Variants in PCDHA9 observed in about 807,000 individuals in gnomAD.
PCDHA9 encodes the protein protocadherin alpha-9.
Under a neutral mutation model 62.0 loss-of-function variants are expected in PCDHA9, and 62 were observed. That is an observed-to-expected ratio of 1.00 (90% CI 0.81 to 1.23). The LOEUF (loss-of-function observed/expected upper bound fraction) is 1.23, where lower values mean the gene tolerates loss of function less well. Among genes scored for constraint, PCDHA9 ranks in the 50% most tolerant of loss-of-function variants. The pLI, the probability that PCDHA9 is intolerant of heterozygous loss-of-function variation, is 0.00. For missense variants in PCDHA9, 1,205 were observed against 1,249.8 expected, an observed-to-expected ratio of 0.96 and a Z score of 0.54; for synonymous variants, 557 against 567.6, an observed-to-expected ratio of 0.98 and a Z score of 0.27.
At chr5:140,947,550 G>T (rs967081376) in intron 1 of PCDHA9, among the ~76,000 whole-genome samples, 1 of 151,402 alleles carries the variant, frequency 6.6e-6, no homozygotes, top group Non-Finnish European at 1.5e-5. Flanking sequence ...AAAGAATTCC[G>T]CTGGGATTTA....
In PCDHA9 at chr5:140,855,846, C is replaced by T. The variant is rs112115141; in HGVS notation, c.2394+4957C>T. ...CATGGAATCGTACTTACACCTAAAG[C>T]CACCGGATGTCGCTGTCGTCCACAA... is the stretch of plus-strand genomic sequence containing the variant. On this transcript the variant is annotated intron_variant, in intron 1 of 3. Coordinates refer to ENST00000532602, the MANE Select transcript of PCDHA9 (RefSeq NM_031857.2). The T allele has an allele frequency of 3.0e-3, 1,971 of 647,788 alleles. 109 individuals are homozygous for T. In the African/African-American group the frequency reaches 0.032, roughly 11 times the overall value. The allele number at this position is 647,788 out of a possible 1,614,324, so 40.1% of individuals were successfully genotyped here.
chr5:141,006,946 G>A (rs1333269040), intron 3 of PCDHA9, among the ~76,000 whole-genome samples: 1 of 152,120 alleles, frequency 6.6e-6, no homozygotes, highest in African/African-American at 2.4e-5. Flanking sequence ...TACCAGATAG[G>A]CAGTTATACA....
Position 140,883,794 on chromosome 5 carries a change from C to T in PCDHA9, c.2394+32905C>T, listed in dbSNP as rs781822448. On this transcript the variant is annotated intron_variant, in intron 1 of 3. Coordinates refer to ENST00000532602, the MANE Select transcript of PCDHA9 (RefSeq NM_031857.2). ...GAGCGTGCGCTGTCGAGCTACGTGT[C>T]GGTGCACGCGGAGAGCGGCAAGGTG... 8 of 1,612,476 alleles carry T rather than the reference C, an allele frequency of 5.0e-6. No individual in the cohort carries two copies. The East Asian group carries it at 1.6e-4, about 31-fold the overall frequency.
At chr5:140,995,267 C>T (rs552857413) in intron 3 of PCDHA9, among the ~76,000 whole-genome samples, 1 of 152,192 alleles carries the variant, frequency 6.6e-6, no homozygotes, top group Non-Finnish European at 1.5e-5. Context: ...GAATACAAGC[C>T]CTTTGATACC....
At chr5:141,009,439 G>A (rs187486568) in intron 3 of PCDHA9, among the ~76,000 whole-genome samples, 188 bp from the exon 4 acceptor site, 1 of 152,244 alleles carries the variant, frequency 6.6e-6, no homozygotes, top group East Asian at 1.9e-4. Context: ...GGGAAATCCT[G>A]TCTCAAAAAA....
chr5:140,858,565 T>C (rs782424378), intron 1 of PCDHA9: 1 of 1,375,216 alleles, frequency 7.3e-7, no homozygotes, highest in South Asian at 1.3e-5. Flanking sequence ...ATATTTCTAG[T>C]GATACCTTTG....
chr5:140,985,643 A>G (rs564908892), intron 3 of PCDHA9, among the ~76,000 whole-genome samples: 1 of 151,200 alleles, frequency 6.6e-6, no homozygotes, highest in Non-Finnish European at 1.5e-5. Context: ...TCATCCCAAC[A>G]CTTGCAATGG....
intron 1 of PCDHA9, chr5:140,871,391 C>T: frequency 6.2e-7 from 1 of 1,614,170 alleles, no homozygotes; most frequent in Non-Finnish European, 8.5e-7. Flanking sequence ...GAGGAGGGCC[C>T]ACCTAAGACG....
chr5:140,982,784 C>T (rs568886944), intron 3 of PCDHA9, among the ~76,000 whole-genome samples: 9 of 151,444 alleles, frequency 5.9e-5, no homozygotes, highest in South Asian at 2.1e-4. Flanking sequence ...TGTGTGTGCA[C>T]GCATGTGTGC....
chr5:140,946,297 T>C (rs1238627119), intron 1 of PCDHA9, among the ~76,000 whole-genome samples: 5 of 151,730 alleles, frequency 3.3e-5, no homozygotes, highest in Non-Finnish European at 7.4e-5. Flanking sequence ...ACCTCACACC[T>C]GGTAGAATGG....
intron 1 of PCDHA9, 141 bp downstream of exon 1, chr5:140,851,030 T>G (rs1462203945): frequency 1.4e-6 from 2 of 1,410,502 alleles, no homozygotes; most frequent in Non-Finnish European, 1.9e-6. Context: ...AGTAAACCCC[T>G]TAACATTGGA....
chr5:140,935,118 T>G (rs189908862), intron 1 of PCDHA9, among the ~76,000 whole-genome samples: 6 of 152,324 alleles, frequency 3.9e-5, no homozygotes, highest in Admixed American at 3.3e-4. Flanking sequence ...AGCTTTCACT[T>G]ATTTTTAGTG....
intron 1 of PCDHA9, chr5:140,876,140 C>T: frequency 6.2e-7 from 1 of 1,613,944 alleles, no homozygotes; most frequent in East Asian, 2.2e-5. Context: ...CCAGAACTAA[C>T]AGGGTCTGTC....
At chr5:140,874,041 G>C (rs1385679236) in intron 1 of PCDHA9, among the ~76,000 whole-genome samples, 1 of 152,212 alleles carries the variant, frequency 6.6e-6, no homozygotes, top group African/African-American at 2.4e-5. Flanking sequence ...GAAACTTGGT[G>C]ATGATATTAG....
intron 1 of PCDHA9, chr5:140,967,037 G>C (rs1429896772): frequency 2.5e-6 from 4 of 1,611,378 alleles, no homozygotes; most frequent in South Asian, 1.1e-5. Flanking sequence ...GCGCTACCTG[G>C]AGCTGGACCT....
At chr5:140,878,153 A>G (rs554763085) in intron 1 of PCDHA9, 21 of 178,230 alleles carry the variant, frequency 1.2e-4, no homozygotes, top group Non-Finnish European at 2.3e-4. Context: ...TGATAACTTA[A>G]AAATTTAATT....
chr5:140,893,106 C>T (rs1226663436), intron 1 of PCDHA9, among the ~76,000 whole-genome samples: 3 of 152,170 alleles, frequency 2.0e-5, no homozygotes, highest in African/African-American at 4.8e-5. Flanking sequence ...GATAATATTC[C>T]GTTGTGCATA....
intron 3 of PCDHA9, among the ~76,000 whole-genome samples, chr5:140,993,344 A>G (rs1379621962): frequency 1.3e-5 from 2 of 152,022 alleles, no homozygotes; most frequent in Admixed American, 6.6e-5. Context: ...GAAGGGCACT[A>G]CGAAGATCCT....
intron 1 of PCDHA9, chr5:140,876,061 C>G (rs782151232): frequency 6.2e-7 from 1 of 1,613,778 alleles, no homozygotes; most frequent in Non-Finnish European, 8.5e-7. Context: ...ATTAGTTCTT[C>G]GGAAGTTATT....
Sources: allele counts gnomAD v4.1 joint callset (sites outside exome capture counted in the v4.1 genomes callset), GRCh38; gene constraint gnomAD v4.1.1; transcripts MANE v1.5; gene names NCBI Gene and HGNC (gene_info 2026-07-23, HGNC 2026-07-21).